Variants in ETFA observed in about 807,000 individuals in gnomAD.
The protein encoded by ETFA is electron transfer flavoprotein subunit alpha, mitochondrial.
ETFA carries 22 observed loss-of-function variants against 46.2 expected under a neutral mutation model. The observed-to-expected ratio is 0.48, with a 90% CI of 0.34 to 0.68. The LOEUF is 0.68. Among genes scored for constraint, ETFA ranks in the 30% least tolerant of loss-of-function variants. ETFA has a pLI of 0.01. For missense variants in ETFA, 345 were observed against 401.1 expected, an observed-to-expected ratio of 0.86 and a Z score of 1.19; for synonymous variants, 131 against 139.9, an observed-to-expected ratio of 0.94 and a Z score of 0.45.
At chr15:76,270,448 T>C (rs2039517533) in intron 9 of ETFA, among the ~76,000 whole-genome samples, 1 of 152,246 alleles carries the variant, frequency 6.6e-6, no homozygotes, top group Non-Finnish European at 1.5e-5. Context: ...AATGTGTTTG[T>C]ATATGCAGGT....
intron 11 of ETFA, among the ~76,000 whole-genome samples, chr15:76,217,032 G>A (rs932497479): frequency 6.6e-5 from 10 of 151,770 alleles, no homozygotes; most frequent in Non-Finnish European, 1.3e-4. Context: ...GCCCAGGCTA[G>A]TCTCGAACTC....
chr15:76,287,882 T>C lies in ETFA; in HGVS notation c.415A>G (p.Lys139Glu), dbSNP rs2039717465. ...GTTCTCACAAATGTGTCAGGTGACT[T>C]GATTGCAATGATGTCAGAAATCGGG... is the stretch of plus-strand genomic sequence containing the variant. ...VAPISDIIAI[K>E]SPDTFVRTIY... Residue 139 changes from lysine (K) to glutamate (E), a missense_variant, in exon 5 of 12, where the codon AAG becomes GAG. Lys to Glu is a moderately conservative substitution (Grantham distance 56). Coordinates refer to ENST00000557943, the MANE Select transcript of ETFA (RefSeq NM_000126.4). The C allele has an allele frequency of 6.2e-7, 1 of 1,613,970 alleles. No homozygotes were observed.
In ETFA at chr15:76,216,532, G is replaced by C. The variant is rs188037746; in HGVS notation, c.*27C>G. ...ATTTCAGTGGAATACTTTAACAAAA[G>C]TTTTCTTTTTAAGGCATGATCCTGA... is the stretch of plus-strand genomic sequence containing the variant. On this transcript the variant is annotated 3_prime_UTR_variant, in exon 12 of 12. Transcript: ENST00000557943. 3.4e-5 allele frequency: 47 copies of C among 1,383,760 alleles called. No homozygotes were observed. In the Middle Eastern group the frequency reaches 5.4e-4, roughly 16 times the overall value. 85.7% of individuals were successfully genotyped at this position (1,383,760 alleles called of 1,614,324 possible). A position where few individuals can be genotyped will look rare whatever the true frequency, so the allele number is the denominator to read the frequency against.
rs2038900894 is a variant in ETFA at position 76,216,825 on chromosome 15, C to CT, written c.964-229dup. Among the ~76,000 whole-genome samples the CT allele has an allele frequency of 2.0e-5, 3 of 148,040 alleles. No homozygotes were observed. In the South Asian group the frequency reaches 6.4e-4, roughly 32 times the overall value. On this transcript the variant is annotated intron_variant, in intron 11 of 11. Coordinates refer to ENST00000557943, the MANE Select transcript of ETFA (RefSeq NM_000126.4). ...ACAGGGCTTACAGCCCACTCATTGC[C>CT]TAGGTGCCTTTTGCCTTTTTTTTTT...
At chr15:76,295,774 T>C in intron 1 of ETFA, 37 bp from the exon 2 acceptor site, 2 of 1,560,098 alleles carry the variant, frequency 1.3e-6, no homozygotes, top group Non-Finnish European at 1.7e-6. Context: ...AGGTAAAGAA[T>C]GTTGTCACAG....
rs766672514 is a variant in ETFA at position 76,311,351 on chromosome 15, G to GC, written c.37dup (p.Ala13GlyfsTer15). The stretch of plus-strand genomic sequence containing the variant: ...TTCGCCTTCCCAGTCCGGACTCACC[G>GC]CCCGCCGGAGCTGCCCCGGAGCCGC... On this transcript the variant is annotated frameshift_variant and splice_region_variant, in exon 1 of 12. Coordinates refer to ENST00000557943, the MANE Select transcript of ETFA (RefSeq NM_000126.4). LOFTEE classifies it high-confidence loss of function. 2 of 1,557,462 alleles carry GC rather than the reference G, an allele frequency of 1.3e-6. No homozygotes were observed. Among genetic ancestry groups the GC allele is most frequent in the African/African-American group, 2.7e-5 (2 of 73,740 alleles).
chr15:76,297,884 A>G (rs1281269987), intron 1 of ETFA, among the ~76,000 whole-genome samples: 9 of 152,118 alleles, frequency 5.9e-5, no homozygotes, highest in African/African-American at 2.2e-4. Context: ...CTCAGATACC[A>G]CCTAGAGAGA....
chr15:76,289,864 T>G (rs559508417), intron 4 of ETFA, among the ~76,000 whole-genome samples: 1 of 152,176 alleles, frequency 6.6e-6, no homozygotes, highest in Non-Finnish European at 1.5e-5. Flanking sequence ...TGTTACAACA[T>G]AGCAATCATG....
chr15:76,271,914 TACACACACACAC>T (rs3866542), intron 9 of ETFA, among the ~76,000 whole-genome samples: 2 of 148,712 alleles, frequency 1.3e-5, no homozygotes, highest in Non-Finnish European at 1.5e-5. Context: ...TGTGTGTATA[TACACACACACAC>T]ACACACACAC....
At chr15:76,249,106 A>G (rs1191203044) in intron 9 of ETFA, among the ~76,000 whole-genome samples, 6 of 150,808 alleles carry the variant, frequency 4.0e-5, no homozygotes, top group African/African-American at 1.5e-4. Flanking sequence ...TAAAATATAT[A>G]TAACATAAAA....
At chr15:76,264,425 C>T (rs888942506) in intron 9 of ETFA, among the ~76,000 whole-genome samples, 3 of 152,096 alleles carry the variant, frequency 2.0e-5, no homozygotes, top group African/African-American at 7.2e-5. Context: ...GAGGGTGTTG[C>T]CATTGTTCAG....
chr15:76,307,602 T>C (rs983276626), intron 1 of ETFA, among the ~76,000 whole-genome samples: 11 of 151,864 alleles, frequency 7.2e-5, no homozygotes, highest in African/African-American at 2.7e-4. Context: ...GTCTCGTGCC[T>C]CAGCCTCCCA....
chr15:76,311,322 T>G (rs1416787043), intron 1 of ETFA, 28 bp downstream of exon 1: 7 of 1,552,100 alleles, frequency 4.5e-6, no homozygotes, highest in Non-Finnish European at 6.1e-6. Context: ...GGGCCGTCCC[T>G]GGGTTCGCCT....
chr15:76,261,412 C>T lies in ETFA; in HGVS notation c.816+13000G>A, dbSNP rs951755714. ...TGACTTCAGGCTGAGGAAGCCGATC[C>T]AGTGCTGCTCGCTGACTGGGATGAA... On this transcript the variant is annotated intron_variant, in intron 9 of 11. Transcript: ENST00000557943. The T allele has an allele frequency of 2.1e-5, 27 of 1,295,078 alleles. No individual in the cohort carries two copies. In the African/African-American group the frequency reaches 3.6e-4, roughly 17 times the overall value. The allele number at this position is 1,295,078 out of a possible 1,614,324, so 80.2% of individuals were successfully genotyped here.
intron 1 of ETFA, among the ~76,000 whole-genome samples, chr15:76,309,708 C>T (rs2039971045): frequency 6.6e-6 from 1 of 152,182 alleles, no homozygotes; most frequent in Non-Finnish European, 1.5e-5. Context: ...GACTTGTAAT[C>T]TGTCCACAAA....
At chr15:76,226,748 G>A (rs762421576) in intron 10 of ETFA, among the ~76,000 whole-genome samples, 6 of 151,602 alleles carry the variant, frequency 4.0e-5, no homozygotes, top group South Asian at 2.1e-4. Context: ...GCGTGGTGGC[G>A]GGCATCTGTA....
At chr15:76,268,256 T>C (rs1468704050) in intron 9 of ETFA, among the ~76,000 whole-genome samples, 2 of 149,430 alleles carry the variant, frequency 1.3e-5, no homozygotes, top group Non-Finnish European at 3.0e-5. Context: ...TGAGGGTATG[T>C]TTGTACTTTT....
chr15:76,292,704 T>A lies in ETFA; in HGVS notation c.187-4A>T, dbSNP rs745823838. 1.9e-6 allele frequency: 3 copies of A among 1,600,322 alleles called. No homozygotes were observed. In the South Asian group the frequency reaches 3.3e-5, roughly 18 times the overall value. ...CTTTACAGAGATCTTGTGCCACCTA[T>A]GATTAAAAGATAAGTTCCTAATTAT... is the stretch of plus-strand genomic sequence containing the variant. On this transcript the variant is annotated splice_polypyrimidine_tract_variant and splice_region_variant and intron_variant, in intron 2 of 11. Coordinates refer to ENST00000557943, the MANE Select transcript of ETFA (RefSeq NM_000126.4).
chr15:76,233,263 T>C (rs1280881184), intron 9 of ETFA, among the ~76,000 whole-genome samples: 1 of 151,916 alleles, frequency 6.6e-6, no homozygotes, highest in African/African-American at 2.4e-5. Flanking sequence ...ACATGGACAC[T>C]TGCATAAGTA....
Sources: gnomAD v4.1 joint callset for allele counts (sites outside exome capture counted in the v4.1 genomes callset) on GRCh38, gnomAD v4.1.1 for gene constraint, MANE v1.5 for transcripts, NCBI Gene and HGNC (gene_info 2026-07-23, HGNC 2026-07-21) for gene names.